Variants in AFM observed in about 807,000 individuals in gnomAD.
AFM encodes alpha-Alb.
AFM carries 82 observed loss-of-function variants against 68.7 expected under a neutral mutation model. That is an observed-to-expected ratio of 1.19 (90% CI 1.00 to 1.43). The LOEUF (loss-of-function observed/expected upper bound fraction) is 1.43. Ranked by LOEUF, AFM falls within the 40% of genes most tolerant of loss-of-function variation. The pLI, the probability that AFM is intolerant of heterozygous loss-of-function variation, is 0.00. For synonymous variants in AFM, 250 were observed against 234.2 expected (o/e 1.07, Z -0.61); for missense variants, 772 against 701.8 (o/e 1.10, Z -1.13).
Position 73,485,934 on chromosome 4 carries a change from A to T in AFM, c.343A>T (p.Ser115Cys). 6.2e-7 allele frequency: 1 copy of T among 1,614,168 alleles called. No homozygotes were observed. The highest frequency in any genetic ancestry group is 8.5e-7 in the Non-Finnish European group (1 of 1,180,004). The change falls in exon 4 of 15, where the codon AGT (serine) becomes TGT (cysteine). Residue 115 changes from serine to cysteine, a missense_variant. By Grantham distance (112) the Ser-to-Cys change is moderately radical. Transcript: ENST00000226355. ...PQKHNFSHCC[S>C]KVDAQRRLCF... ...AAAGCATAATTTCTCACACTGCTGCAGTAAGGTTGATGCTCAAAGAAGACT... is the reference window on the plus strand; with the variant it reads ...AAAGCATAATTTCTCACACTGCTGCTGTAAGGTTGATGCTCAAAGAAGACT...
At chr4:73,483,150 G>A (rs552993362) in intron 1 of AFM, among the ~76,000 whole-genome samples, 17 of 151,946 alleles carry the variant, frequency 1.1e-4, no homozygotes, top group African/African-American at 3.4e-4. Flanking sequence ...TCATTTTTCC[G>A]TCAGCTGAAT....
At chr4:73,483,430 C>T (rs1212262481) in intron 1 of AFM, among the ~76,000 whole-genome samples, 3 of 152,218 alleles carry the variant, frequency 2.0e-5, no homozygotes, top group Admixed American at 2.0e-4. Context: ...CATAAATATG[C>T]TCCAATTAGT....
rs1274830533 is a variant in AFM at position 73,487,015 on chromosome 4, A to C, written c.531A>C (p.Thr177=). The change falls in exon 5 of 15, where the codon ACA becomes ACC. Residue 177 remains threonine, a synonymous_variant. Transcript: ENST00000226355. Reference sequence around the variant, plus strand: ...GGAACCCATTTGTCTTCGCCCCTACACTTCTAACTGTTGCTGTTCATTTTG... The same window carrying C: ...GGAACCCATTTGTCTTCGCCCCTACCCTTCTAACTGTTGCTGTTCATTTTG... ...ARRNPFVFAP[T]LLTVAVHFEE... is the part of the protein sequence containing the mutation. The C allele has an allele frequency of 1.2e-6, 2 of 1,613,732 alleles. No homozygotes were observed. The highest frequency in any genetic ancestry group is 2.7e-5 in the African/African-American group (2 of 74,840).
In AFM at chr4:73,485,988, G is replaced by C. The variant is rs771045271; in HGVS notation, c.397G>C (p.Val133Leu). ...TTTCTTCTATAACAAGAAATCTGAT[G>C]TGGGATTTCTGCCTCCTTTCCCTAC... ...LCFFYNKKSD[V>L]GFLPPFPTLD... The change falls in exon 4 of 15, where the codon GTG becomes CTG. Residue 133 changes from valine (V) to leucine (L), a missense_variant. Coordinates refer to ENST00000226355, the MANE Select transcript of AFM (RefSeq NM_001133.2). 11 of 1,613,858 alleles carry C rather than the reference G, an allele frequency of 6.8e-6. No homozygotes were observed. Among genetic ancestry groups the C allele is most frequent in the Non-Finnish European group, 9.3e-6 (11 of 1,179,890 alleles).
chr4:73,503,494 A>C (rs1159263133), intron 14 of AFM, among the ~76,000 whole-genome samples: 1 of 152,174 alleles, frequency 6.6e-6, no homozygotes, highest in Non-Finnish European at 1.5e-5. Context: ...GACAGACCTC[A>C]GTGACCCTTT....
chr4:73,495,211 G>C, intron 8 of AFM, 89 bp from the exon 9 acceptor site: 1 of 1,258,832 alleles, frequency 7.9e-7, no homozygotes, highest in Non-Finnish European at 1.1e-6. Context: ...AGCAGAGTCA[G>C]TATTAGATCT....
At chr4:73,491,179 C>T (rs1261295852) in intron 7 of AFM, among the ~76,000 whole-genome samples, 1 of 152,064 alleles carries the variant, frequency 6.6e-6, no homozygotes, top group African/African-American at 2.4e-5. Context: ...ATAAGATAAC[C>T]CCACCCTCTC....
At chr4:73,484,472 T>G in intron 3 of AFM, 82 bp downstream of exon 3, 1 of 570,588 alleles carries the variant, frequency 1.8e-6, no homozygotes, top group East Asian at 3.4e-5. Flanking sequence ...CTTTCTTTCT[T>G]TCTTTCTTTC....
In AFM at chr4:73,499,254, T is replaced by A. The variant is rs1362837144; in HGVS notation, c.1422+8T>A. 6.3e-7 allele frequency: 1 copy of A among 1,599,822 alleles called. No homozygotes were observed. The highest frequency in any genetic ancestry group is 1.1e-5 in the South Asian group (1 of 89,298). On this transcript the variant is annotated splice_region_variant and intron_variant, in intron 11 of 14. Coordinates refer to ENST00000226355, the MANE Select transcript of AFM (RefSeq NM_001133.2). ...GCCTGTGTTGATAATTTGGTGAGCATGGCCTGTGTACCAGACTACTCTTTT... is the reference window on the plus strand; with the variant it reads ...GCCTGTGTTGATAATTTGGTGAGCAAGGCCTGTGTACCAGACTACTCTTTT...
chr4:73,491,211 A>G (rs1295746176), intron 7 of AFM, among the ~76,000 whole-genome samples: 2 of 152,218 alleles, frequency 1.3e-5, no homozygotes, highest in Non-Finnish European at 2.9e-5. Context: ...ACTCTTATGT[A>G]GAGGTTAGAA....
intron 8 of AFM, 138 bp downstream of exon 8, chr4:73,492,224 C>T: frequency 2.8e-6 from 2 of 711,190 alleles, no homozygotes; most frequent in Non-Finnish European, 2.3e-6. Context: ...TAAATCATGG[C>T]TATAGAGTGT....
rs1720891420 is a variant in AFM, at chr4:73,485,987, T to C, written c.396T>C (p.Asp132=). 6.2e-7 allele frequency: 1 copy of C among 1,613,834 alleles called. No homozygotes were observed. Among genetic ancestry groups the C allele is most frequent in the South Asian group, 1.1e-5 (1 of 91,084 alleles). The change falls in exon 4 of 15, where the codon GAT becomes GAC. Residue 132 remains aspartate, a synonymous_variant. Coordinates refer to ENST00000226355, the MANE Select transcript of AFM (RefSeq NM_001133.2). Reference sequence around the variant, plus strand: ...GTTTCTTCTATAACAAGAAATCTGATGTGGGATTTCTGCCTCCTTTCCCTA... The same window carrying C: ...GTTTCTTCTATAACAAGAAATCTGACGTGGGATTTCTGCCTCCTTTCCCTA... ...RLCFFYNKKS[D]VGFLPPFPTL...
chr4:73,499,290 T>TAAA lies in AFM; in HGVS notation c.1422+50_1422+52dup, dbSNP rs759483476. 344 of 1,038,504 alleles carry TAAA rather than the reference T, an allele frequency of 3.3e-4. 2 individuals are homozygous for TAAA. The African/African-American group carries it at 4.3e-3, about 13-fold the overall frequency. The allele number at this position is 1,038,504 out of a possible 1,614,324, so 64.3% of individuals were successfully genotyped here. The stretch of plus-strand genomic sequence containing the variant: ...CCAGACTACTCTTTTTTTTTTTTTT[T>TAAA]AAAAAAAAGAATATTTGCACTCATT... On this transcript the variant is annotated intron_variant, in intron 11 of 14. Transcript: ENST00000226355.
Position 73,491,857 on chromosome 4 carries a change from T to G in AFM, c.844-15T>G. The G allele has an allele frequency of 1.2e-6, 2 of 1,600,338 alleles. No individual in the cohort carries two copies. The highest frequency in any genetic ancestry group is 1.7e-6 in the Non-Finnish European group (2 of 1,171,410). On this transcript the variant is annotated splice_polypyrimidine_tract_variant and intron_variant, in intron 7 of 14. Coordinates refer to ENST00000226355, the MANE Select transcript of AFM (RefSeq NM_001133.2). The stretch of plus-strand genomic sequence containing the variant: ...GCCTGAAAGTAAAATAATCTCTCAT[T>G]CTTATTTGGTACAGAGCAAGGTTAT...
At chr4:73,494,644 G>A (rs1401547974) in intron 8 of AFM, among the ~76,000 whole-genome samples, 9 of 152,172 alleles carry the variant, frequency 5.9e-5, no homozygotes, top group Admixed American at 5.2e-4. Flanking sequence ...AGTCCAGGAA[G>A]CACATCTATA....
Position 73,486,060 on chromosome 4 carries a change from T to C in AFM, c.469T>C (p.Ser157Pro). ...CCAGGCTTATGAAAGTAACAGAGAA[T>C]CCCTTTTAAATCAGTAAGTTTAATC... ...KCQAYESNRESLLNHFLYEVA... is the reference protein window; with the variant it reads ...KCQAYESNREPLLNHFLYEVA... Residue 157 changes from serine to proline, a missense_variant, in exon 4 of 15, where the codon TCC becomes CCC. Transcript: ENST00000226355. The C allele has an allele frequency of 6.2e-7, 1 of 1,613,542 alleles. No homozygotes were observed. The highest frequency in any genetic ancestry group is 8.5e-7 in the Non-Finnish European group (1 of 1,179,516).
chr4:73,492,664 T>G (rs1375596442), intron 8 of AFM, among the ~76,000 whole-genome samples: 1 of 151,532 alleles, frequency 6.6e-6, no homozygotes, highest in Non-Finnish European at 1.5e-5. Flanking sequence ...ATAAGAATAC[T>G]CATTCATCTA....
intron 8 of AFM, among the ~76,000 whole-genome samples, chr4:73,493,438 A>G (rs1721155017): frequency 6.6e-6 from 1 of 152,252 alleles, no homozygotes; most frequent in East Asian, 1.9e-4. Flanking sequence ...CCAGTAGAAT[A>G]ACTAATTGGA....
intron 13 of AFM, 122 bp from the exon 14 acceptor site, chr4:73,502,928 C>T: frequency 2.2e-6 from 2 of 923,750 alleles, no homozygotes; most frequent in South Asian, 1.5e-5. Context: ...TTTACTGTTT[C>T]CCTGTACAAC....
Sources: allele counts gnomAD v4.1 joint callset (sites outside exome capture counted in the v4.1 genomes callset), GRCh38; gene constraint gnomAD v4.1.1; transcripts MANE v1.5; gene names NCBI Gene and HGNC (gene_info 2026-07-23, HGNC 2026-07-21).